The following CTNNA3 variants were observed in gnomAD, a reference collection of about 807,000 sequenced individuals.
The protein encoded by CTNNA3 is catenin alpha 3.
CTNNA3 carries 76 observed loss-of-function variants against 95.7 expected under a neutral mutation model. The observed-to-expected ratio is 0.79, with a 90% confidence interval of 0.66 to 0.96. CTNNA3 has a LOEUF of 0.96. Ranked by LOEUF, CTNNA3 falls within the 40% of genes least tolerant of loss-of-function variation. The pLI, the probability that CTNNA3 is intolerant of heterozygous loss-of-function variation, is 0.00. For missense variants in CTNNA3, 1,191 were observed against 1,089.8 expected, an observed-to-expected ratio of 1.09 and a Z score of -1.31; for synonymous variants, 431 against 374.4, an observed-to-expected ratio of 1.15 and a Z score of -1.74.
intron 3 of CTNNA3, among the ~76,000 whole-genome samples, chr10:67,541,793 A>G (rs1840691367): frequency 6.6e-6 from 1 of 152,130 alleles, no homozygotes. Context: ...AATTGCTGCT[A>G]TGAGACTGTG....
chr10:67,474,390 T>A (rs1418704875), intron 5 of CTNNA3, among the ~76,000 whole-genome samples: 1 of 152,192 alleles, frequency 6.6e-6, no homozygotes, highest in East Asian at 1.9e-4. Context: ...CAGGAATGTG[T>A]GTACACAGAG....
chr10:66,773,556 T>G (rs566746550), intron 8 of CTNNA3, among the ~76,000 whole-genome samples: 1 of 152,132 alleles, frequency 6.6e-6, no homozygotes, highest in Non-Finnish European at 1.5e-5. Flanking sequence ...ACAGATGCCA[T>G]TTGACTGCCA....
At chr10:67,098,048 CT>C (rs917925089) in intron 7 of CTNNA3, 86 of 457,970 alleles carry the variant, frequency 1.9e-4, no homozygotes, top group African/African-American at 5.9e-4. Flanking sequence ...ATAAAAGAAT[CT>C]TTTTTTTTCA....
At chr10:66,865,682 C>A (rs1487912961) in intron 7 of CTNNA3, among the ~76,000 whole-genome samples, 1 of 151,696 alleles carries the variant, frequency 6.6e-6, no homozygotes, top group East Asian at 1.9e-4. Flanking sequence ...AAGATATTTC[C>A]TTTTTCATTT....
intron 13 of CTNNA3, among the ~76,000 whole-genome samples, chr10:66,216,227 T>G (rs892949615): frequency 3.3e-5 from 5 of 152,264 alleles, no homozygotes; most frequent in Non-Finnish European, 7.3e-5. Flanking sequence ...TCTGTCAACT[T>G]CAATCCGATC....
chr10:66,069,390 T>C lies in CTNNA3; in HGVS notation c.2077A>G (p.Ile693Val). 1 of 1,613,742 alleles carries C rather than the reference T, an allele frequency of 6.2e-7. No individual in the cohort carries two copies. The highest frequency in any genetic ancestry group is 8.5e-7 in the Non-Finnish European group (1 of 1,179,752). ...VKSKLDAEIE[I>V]WDDTSNDIIV... Reference sequence around the variant, plus strand: ...ATGTCGTTGCTTGTATCATCCCATATCTCAATCTCAGCATCCAGCTTACTC... The same window carrying C: ...ATGTCGTTGCTTGTATCATCCCATACCTCAATCTCAGCATCCAGCTTACTC... Residue 693 changes from isoleucine to valine, a missense_variant, in exon 15 of 18, where the codon ATA (isoleucine) becomes GTA (valine). Transcript: ENST00000433211.
intron 12 of CTNNA3, among the ~76,000 whole-genome samples, chr10:66,312,692 A>G (rs182066281): frequency 7.0e-4 from 106 of 152,136 alleles, no homozygotes; most frequent in Admixed American, 1.3e-3. Flanking sequence ...GACTACAGGC[A>G]TGCATCATCA....
intron 16 of CTNNA3, among the ~76,000 whole-genome samples, chr10:65,968,699 G>A (rs1589191707): frequency 1.3e-5 from 2 of 152,320 alleles, no homozygotes; most frequent in South Asian, 2.1e-4. Flanking sequence ...GTATGTAGAG[G>A]AGCCTCTCTG....
chr10:66,244,309 C>T (rs995344643), intron 13 of CTNNA3, among the ~76,000 whole-genome samples: 3 of 152,218 alleles, frequency 2.0e-5, no homozygotes, highest in African/African-American at 7.2e-5. Flanking sequence ...CCATCTGGGC[C>T]TGCGCAGAAC....
At chr10:67,155,274 C>T (rs1564929091) in intron 7 of CTNNA3, among the ~76,000 whole-genome samples, 2 of 152,128 alleles carry the variant, frequency 1.3e-5, no homozygotes, top group African/African-American at 4.8e-5. Context: ...AGAGCAGAAG[C>T]TCTAGAGTCA....
At chr10:65,988,987 C>G (rs2078484390) in intron 15 of CTNNA3, among the ~76,000 whole-genome samples, 190 bp from the exon 16 acceptor site, 1 of 152,178 alleles carries the variant, frequency 6.6e-6, no homozygotes, top group Admixed American at 6.5e-5. Flanking sequence ...TGTCGCCAAG[C>G]TTGAGTGCAG....
At chr10:67,581,399 G>A (rs543296625) in intron 3 of CTNNA3, among the ~76,000 whole-genome samples, 10 of 152,236 alleles carry the variant, frequency 6.6e-5, no homozygotes, top group African/African-American at 2.2e-4. Flanking sequence ...TTGAATCCCA[G>A]GGATGAAGCC....
intron 9 of CTNNA3, among the ~76,000 whole-genome samples, 162 bp from the exon 10 acceptor site, chr10:66,621,946 A>G (rs1844766254): frequency 6.6e-6 from 1 of 152,202 alleles, no homozygotes; most frequent in South Asian, 2.1e-4. Context: ...AATTCAGAGA[A>G]TCTATTAAAG....
At chr10:66,023,848 C>G (rs776873886) in intron 15 of CTNNA3, among the ~76,000 whole-genome samples, 1 of 152,030 alleles carries the variant, frequency 6.6e-6, no homozygotes, top group Non-Finnish European at 1.5e-5. Flanking sequence ...CGCAGTTCCC[C>G]AAGTCTCCTT....
chr10:67,461,858 A>G (rs1847392757), intron 5 of CTNNA3, among the ~76,000 whole-genome samples: 1 of 152,210 alleles, frequency 6.6e-6, no homozygotes, highest in African/African-American at 2.4e-5. Context: ...GGCCAGTCCT[A>G]GAAAGAGAAG....
chr10:66,208,917 A>G (rs1445614264), intron 13 of CTNNA3, among the ~76,000 whole-genome samples: 1 of 152,082 alleles, frequency 6.6e-6, no homozygotes, highest in Non-Finnish European at 1.5e-5. Flanking sequence ...ACTTCAATGT[A>G]CCCCATTGCA....
intron 10 of CTNNA3, among the ~76,000 whole-genome samples, chr10:66,587,900 A>T (rs924408094): frequency 6.6e-6 from 1 of 152,144 alleles, no homozygotes; most frequent in African/African-American, 2.4e-5. Context: ...TCCTGCGCCC[A>T]TGGCTATAGC....
intron 10 of CTNNA3, among the ~76,000 whole-genome samples, chr10:66,549,671 T>A (rs554107329): frequency 6.6e-6 from 1 of 152,306 alleles, no homozygotes; most frequent in African/African-American, 2.4e-5. Context: ...ATTGTAATAT[T>A]TTATATTTTC....
chr10:67,393,574 T>C (rs979844457), intron 5 of CTNNA3, among the ~76,000 whole-genome samples: 2 of 152,150 alleles, frequency 1.3e-5, no homozygotes, highest in African/African-American at 2.4e-5. Flanking sequence ...TCAGGTGATA[T>C]ACTAGCAAAC....
Sources: gnomAD v4.1 joint callset for allele counts (sites outside exome capture counted in the v4.1 genomes callset) on GRCh38, gnomAD v4.1.1 for gene constraint, MANE v1.5 for transcripts, NCBI Gene and HGNC (gene_info 2026-07-23, HGNC 2026-07-21) for gene names.